The following MYO1E variants were observed in gnomAD, a reference collection of about 807,000 sequenced individuals.
The protein encoded by MYO1E is myosin IE.
MYO1E carries 68 observed loss-of-function variants against 151.1 expected under a neutral mutation model. The observed-to-expected ratio is 0.45, with a 90% confidence interval of 0.37 to 0.55. The LOEUF (loss-of-function observed/expected upper bound fraction) is 0.55. Ranked by LOEUF, MYO1E falls within the 20% of genes least tolerant of loss-of-function variation. The pLI is 0.00. For missense variants in MYO1E, 1,363 were observed against 1,389.3 expected (o/e 0.98, Z 0.30); for synonymous variants, 601 against 501.7 (o/e 1.20, Z -2.64).
chr15:59,177,688 G>C (rs2079633284), intron 19 of MYO1E, among the ~76,000 whole-genome samples: 1 of 152,190 alleles, frequency 6.6e-6, no homozygotes, highest in Non-Finnish European at 1.5e-5. Context: ...ACATTCATGG[G>C]GCTCACTGAC....
intron 1 of MYO1E, among the ~76,000 whole-genome samples, chr15:59,343,321 C>A (rs1374892369): frequency 6.6e-6 from 1 of 151,356 alleles, no homozygotes; most frequent in Non-Finnish European, 1.5e-5. Flanking sequence ...AATGCTTCAG[C>A]ACTTTATGCC....
At chr15:59,208,270 T>C in intron 14 of MYO1E, 1 of 605,870 alleles carries the variant, frequency 1.7e-6, no homozygotes, top group Non-Finnish European at 2.8e-6. Context: ...GATACTTATT[T>C]ACAATTCCTA....
chr15:59,151,795 T>C (rs1251632212), intron 26 of MYO1E, among the ~76,000 whole-genome samples: 3 of 150,774 alleles, frequency 2.0e-5, no homozygotes, highest in African/African-American at 4.9e-5. Flanking sequence ...ACATCTTAAT[T>C]CCAGCACTTT....
In MYO1E at chr15:59,370,016, A is replaced by G. The variant is rs1230029814; in HGVS notation, c.3+2482T>C. Among the ~76,000 whole-genome samples the G allele has an allele frequency of 2.6e-5, 4 of 151,884 alleles. No individual in the cohort carries two copies. The South Asian group carries it at 8.3e-4, about 32-fold the overall frequency. On this transcript the variant is annotated intron_variant, in intron 1 of 27. Transcript: ENST00000288235. ...AACTGAAACAGGGTCTCACTATGTT[A>G]CCCAGGATGGTCTTGAACTCCTGGG... is the stretch of plus-strand genomic sequence containing the variant.
intron 1 of MYO1E, among the ~76,000 whole-genome samples, chr15:59,342,547 G>A (rs1156579099): frequency 6.6e-6 from 1 of 152,128 alleles, no homozygotes; most frequent in Non-Finnish European, 1.5e-5. Flanking sequence ...AGATCCTTGG[G>A]TCTTGCTTTT....
chr15:59,177,647 G>A (rs1037046410), intron 19 of MYO1E, among the ~76,000 whole-genome samples: 10 of 152,196 alleles, frequency 6.6e-5, no homozygotes, highest in African/African-American at 2.4e-4. Flanking sequence ...GGAGCAAACT[G>A]GGCAGAAGAA....
chr15:59,151,182 C>G (rs1453310599), intron 26 of MYO1E, among the ~76,000 whole-genome samples: 1 of 151,776 alleles, frequency 6.6e-6, no homozygotes, highest in Non-Finnish European at 1.5e-5. Flanking sequence ...ATCCCAGCTA[C>G]TATGGGAGGA....
intron 26 of MYO1E, among the ~76,000 whole-genome samples, chr15:59,153,285 C>T (rs1310123988): frequency 6.6e-6 from 1 of 152,184 alleles, no homozygotes; most frequent in Non-Finnish European, 1.5e-5. Flanking sequence ...ATTCCTCAAC[C>T]ATGCAAGAAA....
At position 59,173,747 on chromosome 15, in the gene MYO1E, T is replaced by G. The variant is rs1176617412; in HGVS notation, c.2333A>C (p.Lys778Thr). 1.2e-6 allele frequency: 2 copies of G among 1,614,156 alleles called. No homozygotes were observed. Among genetic ancestry groups the G allele is most frequent in the Non-Finnish European group, 1.7e-6 (2 of 1,179,988 alleles). ...CAGAGGCAGGCAGTTAGCACGTACC[T>G]TGAACCTCCTGTCATACTTGGTGAC... is the stretch of plus-strand genomic sequence containing the variant. ...DTVTKYDRRF[K>T]GVKRDLLLTP... The change falls in exon 21 of 28, where the codon AAG becomes ACG. Residue 778 changes from lysine to threonine, a missense_variant and splice_region_variant. Transcript: ENST00000288235.
intron 26 of MYO1E, among the ~76,000 whole-genome samples, chr15:59,149,447 GCTAT>G (rs2079463488): frequency 6.7e-6 from 1 of 150,262 alleles, no homozygotes; most frequent in African/African-American, 2.4e-5. Context: ...CTTCTCAAAA[GCTAT>G]GCTAATCGAT....
intron 6 of MYO1E, among the ~76,000 whole-genome samples, chr15:59,228,474 C>T (rs1172766232): frequency 6.6e-6 from 1 of 151,464 alleles, no homozygotes; most frequent in Non-Finnish European, 1.5e-5. Context: ...TGTCCAAAAA[C>T]CAAAATAAAA....
At chr15:59,174,040 A>C in intron 20 of MYO1E, 86 bp downstream of exon 20, 2 of 1,493,638 alleles carry the variant, frequency 1.3e-6, no homozygotes, top group Non-Finnish European at 1.9e-6. Context: ...ATTATATGCA[A>C]AATAAAATGG....
chr15:59,285,765 A>G (rs1376155135), intron 1 of MYO1E, among the ~76,000 whole-genome samples: 2 of 152,276 alleles, frequency 1.3e-5, no homozygotes, highest in Admixed American at 1.3e-4. Context: ...AAGTCAGCCT[A>G]TTAAATGCAT....
At chr15:59,207,506 TGGA>T in intron 14 of MYO1E, 2 of 1,613,980 alleles carry the variant, frequency 1.2e-6, no homozygotes, top group Non-Finnish European at 1.7e-6. Context: ...TCCAATCCAG[TGGA>T]TATCTTAACT....
chr15:59,300,869 T>C (rs1449346135), intron 1 of MYO1E, among the ~76,000 whole-genome samples: 15 of 103,312 alleles, frequency 1.5e-4, no homozygotes, highest in African/African-American at 9.9e-4. Context: ...TTTTTTTCTT[T>C]TTTTTTTTTT....
intron 2 of MYO1E, chr15:59,271,155 C>G (rs567261994): frequency 1.3e-5 from 2 of 152,244 alleles, no homozygotes; most frequent in African/African-American, 4.8e-5. Flanking sequence ...ATAAGTTGAA[C>G]CCGACCCCCC....
chr15:59,151,037 ACACACACACACACG>A (rs1219208395), intron 26 of MYO1E, among the ~76,000 whole-genome samples: 3 of 122,728 alleles, frequency 2.4e-5, no homozygotes, highest in Non-Finnish European at 3.1e-5. Flanking sequence ...ACACACACAC[ACACACACACACACG>A]CGCGCGCGCG....
At chr15:59,371,827 C>A (rs1300750185) in intron 1 of MYO1E, among the ~76,000 whole-genome samples, 16 of 149,948 alleles carry the variant, frequency 1.1e-4, no homozygotes, top group Non-Finnish European at 1.8e-4. Context: ...AGGTCCGGGG[C>A]GGCGTGGTTG....
intron 1 of MYO1E, among the ~76,000 whole-genome samples, chr15:59,354,962 AC>A (rs1240276073): frequency 3.9e-5 from 6 of 152,198 alleles, no homozygotes; most frequent in Admixed American, 3.9e-4. Flanking sequence ...TGAGGGGGCT[AC>A]TTTTATCTTT....
Sources: allele counts gnomAD v4.1 joint callset (sites outside exome capture counted in the v4.1 genomes callset), GRCh38; gene constraint gnomAD v4.1.1; transcripts MANE v1.5; gene names NCBI Gene and HGNC (gene_info 2026-07-23, HGNC 2026-07-21).